The following PTTG1IP2 variants were observed in gnomAD, a reference collection of about 807,000 sequenced individuals.
The protein encoded by PTTG1IP2 is PTTG1IP family member 2.
intron 1 of PTTG1IP2, among the ~76,000 whole-genome samples, chr7:90,474,463 G>A (rs1317863148): frequency 6.6e-6 from 1 of 152,208 alleles, no homozygotes; most frequent in Admixed American, 6.5e-5. Context: ...ACACACATAA[G>A]AGAAGACTAA....
intron 6 of PTTG1IP2, among the ~76,000 whole-genome samples, chr7:90,508,193 A>T (rs1210147820): frequency 6.6e-6 from 1 of 151,658 alleles, no homozygotes; most frequent in Non-Finnish European, 1.5e-5. Flanking sequence ...CTTCAGCACA[A>T]GAAGCAGAGG....
At chr7:90,476,125 A>AGT (rs2116048644) in intron 1 of PTTG1IP2, among the ~76,000 whole-genome samples, 1 of 28,150 alleles carries the variant, frequency 3.6e-5, no homozygotes, top group African/African-American at 9.1e-5. Context: ...AATACTCAAT[A>AGT]ATATCCAGCA....
chr7:90,492,399 G>A (rs17869461), intron 5 of PTTG1IP2, 90 bp downstream of exon 5: 50 of 152,108 alleles, frequency 3.3e-4, no homozygotes, highest in African/African-American at 1.2e-3. Flanking sequence ...TAAAGCATGA[G>A]TAGGGGCCAG....
At chr7:90,511,699 TCTC>T (rs1798191966) in intron 6 of PTTG1IP2, among the ~76,000 whole-genome samples, 1 of 152,210 alleles carries the variant, frequency 6.6e-6, no homozygotes, top group African/African-American at 2.4e-5. Context: ...CTTTTCCCTC[TCTC>T]CTCATACTCA....
At chr7:90,509,743 A>G (rs1798163898) in intron 6 of PTTG1IP2, among the ~76,000 whole-genome samples, 1 of 152,132 alleles carries the variant, frequency 6.6e-6, no homozygotes, top group South Asian at 2.1e-4. Context: ...TTCCCGCAAG[A>G]AGCTGGAGGC....
At chr7:90,501,953 A>G (rs950139325) in intron 6 of PTTG1IP2, among the ~76,000 whole-genome samples, 5 of 152,200 alleles carry the variant, frequency 3.3e-5, no homozygotes, top group African/African-American at 1.2e-4. Context: ...TCACACCATG[A>G]TGTTGGTTTA....
chr7:90,477,550 A>G lies in PTTG1IP2; in HGVS notation c.146-1678A>G, dbSNP rs187107467. 7.5e-4 allele frequency among the ~76,000 whole-genome samples: 114 copies of G among 152,332 alleles called. 2 individuals carry two copies. Among genetic ancestry groups the G allele is most frequent in the African/African-American group, 2.7e-3 (111 of 41,574 alleles). ...AATCCTAGTTGAGGGGCATTCTGCA[A>G]AATATCTGAAAGTACTGAGGATAGT... On this transcript the variant is annotated intron_variant, in intron 1 of 6. Coordinates refer to ENST00000509356, the MANE Select transcript of PTTG1IP2 (RefSeq NM_001365443.2).
intron 2 of PTTG1IP2, among the ~76,000 whole-genome samples, chr7:90,483,889 G>A (rs925808236): frequency 1.3e-5 from 2 of 152,058 alleles, no homozygotes; most frequent in Non-Finnish European, 2.9e-5. Flanking sequence ...TTCACACTGT[G>A]TCCTCACTCT....
chr7:90,496,588 G>T (rs1473549136), intron 6 of PTTG1IP2, among the ~76,000 whole-genome samples: 1 of 150,646 alleles, frequency 6.6e-6, no homozygotes, highest in Non-Finnish European at 1.5e-5. Flanking sequence ...CCAACCATTA[G>T]TTTTGTTAAT....
intron 1 of PTTG1IP2, among the ~76,000 whole-genome samples, chr7:90,473,168 A>T (rs900007094): frequency 2.6e-5 from 4 of 152,244 alleles, no homozygotes; most frequent in Non-Finnish European, 5.9e-5. Context: ...TCCCTTGGAC[A>T]TAAGAATTTT....
At chr7:90,507,934 A>G (rs1798142131) in intron 6 of PTTG1IP2, among the ~76,000 whole-genome samples, 1 of 152,136 alleles carries the variant, frequency 6.6e-6, no homozygotes, top group Non-Finnish European at 1.5e-5. Context: ...AAGGAAGACA[A>G]GCCCTTGAGA....
At chr7:90,501,493 C>A (rs538163150) in intron 6 of PTTG1IP2, among the ~76,000 whole-genome samples, 1 of 152,236 alleles carries the variant, frequency 6.6e-6, no homozygotes, top group Admixed American at 6.5e-5. Flanking sequence ...CATAGTGAGA[C>A]CTCATTTCTA....
intron 6 of PTTG1IP2, among the ~76,000 whole-genome samples, chr7:90,508,476 G>A (rs1173910758): frequency 6.6e-6 from 1 of 152,048 alleles, no homozygotes; most frequent in Non-Finnish European, 1.5e-5. Context: ...GAAATTTTCA[G>A]GGGAGGACAT....
At position 90,513,371 on chromosome 7, in the gene PTTG1IP2, A is replaced by AT. The variant is rs1798210643; in HGVS notation, c.*150dup. 1 of 152,530 alleles carries AT rather than the reference A, an allele frequency of 6.6e-6. No homozygotes were observed. Among genetic ancestry groups the AT allele is most frequent in the African/African-American group, 2.4e-5 (1 of 41,422 alleles). 9.4% of individuals were successfully genotyped at this position (152,530 alleles called of 1,614,324 possible). On this transcript the variant is annotated 3_prime_UTR_variant, in exon 7 of 7. Transcript: ENST00000509356. ...GTTAAAATTTTAAATTCTATTAAAC[A>AT]TTTTTTCGAGTATTTCATTACTTTT...
chr7:90,500,201 G>C (rs1028211847), intron 6 of PTTG1IP2, among the ~76,000 whole-genome samples: 1 of 152,134 alleles, frequency 6.6e-6, no homozygotes, highest in South Asian at 2.1e-4. Context: ...GCAACAGAGG[G>C]AGACTCTGTC....
chr7:90,470,798 G>T (rs1005153872), intron 1 of PTTG1IP2, among the ~76,000 whole-genome samples: 1 of 151,918 alleles, frequency 6.6e-6, no homozygotes, highest in Non-Finnish European at 1.5e-5. Context: ...CATACTCTAA[G>T]AGAAATAGTG....
intron 1 of PTTG1IP2, among the ~76,000 whole-genome samples, chr7:90,473,888 A>T (rs1797717804): frequency 6.6e-6 from 1 of 152,230 alleles, no homozygotes; most frequent in African/African-American, 2.4e-5. Flanking sequence ...AGAATAAAAT[A>T]GTATCTTCTG....
At chr7:90,472,425 CA>C (rs1464316283) in intron 1 of PTTG1IP2, among the ~76,000 whole-genome samples, 1 of 152,028 alleles carries the variant, frequency 6.6e-6, no homozygotes, top group African/African-American at 2.4e-5. Context: ...TTCAGTGAAA[CA>C]AGCCTCGAAG....
intron 2 of PTTG1IP2, among the ~76,000 whole-genome samples, chr7:90,483,847 G>T (rs377760979): frequency 7.9e-5 from 12 of 151,890 alleles, no homozygotes; most frequent in African/African-American, 2.7e-4. Flanking sequence ...CCTAAGGAGC[G>T]CATTCCTTCA....
Sources: allele counts gnomAD v4.1 joint callset (sites outside exome capture counted in the v4.1 genomes callset), GRCh38; gene constraint gnomAD v4.1.1; transcripts MANE v1.5; gene names NCBI Gene and HGNC (gene_info 2026-07-23, HGNC 2026-07-21).